Variants in SH3BP4 observed in about 807,000 individuals in gnomAD.
SH3BP4 encodes SH3 domain-binding protein 4.
SH3BP4 carries 33 observed loss-of-function variants against 65.5 expected under a neutral mutation model. That is an observed-to-expected ratio of 0.50 (90% CI 0.38 to 0.67). The LOEUF is 0.67. SH3BP4 is among the 30% of genes least tolerant of loss of function. SH3BP4 has a pLI of 0.00. For synonymous variants in SH3BP4, 552 were observed against 545.5 expected, an observed-to-expected ratio of 1.01 and a Z score of -0.17; for missense variants, 1,134 against 1,261.4, an observed-to-expected ratio of 0.90 and a Z score of 1.53.
intron 3 of SH3BP4, among the ~76,000 whole-genome samples, chr2:235,037,090 G>A (rs1326367273): frequency 3.3e-5 from 5 of 152,182 alleles, no homozygotes; most frequent in Non-Finnish European, 2.9e-5. Flanking sequence ...TGAATGTTTT[G>A]CCTGCAGAAG....
At chr2:235,010,288 CCTGT>C (rs1694437911) in intron 2 of SH3BP4, among the ~76,000 whole-genome samples, 1 of 152,186 alleles carries the variant, frequency 6.6e-6, no homozygotes. Flanking sequence ...TCTCCAGTTG[CCTGT>C]CTGAGTCCTG....
intron 3 of SH3BP4, among the ~76,000 whole-genome samples, chr2:235,038,370 T>C (rs1364807608): frequency 2.3e-5 from 1 of 43,888 alleles, no homozygotes; most frequent in African/African-American, 1.6e-4. Context: ...ATATATAATA[T>C]ATATACATAT....
At chr2:235,010,174 C>T (rs1252334937) in intron 2 of SH3BP4, among the ~76,000 whole-genome samples, 1 of 152,186 alleles carries the variant, frequency 6.6e-6, no homozygotes, top group Non-Finnish European at 1.5e-5. Context: ...GCTCCCACCC[C>T]AGGTTTTCTC....
At chr2:234,980,171 C>A (rs183507088) in intron 1 of SH3BP4, among the ~76,000 whole-genome samples, 1 of 152,176 alleles carries the variant, frequency 6.6e-6, no homozygotes, top group African/African-American at 2.4e-5. Context: ...TAGTCCCCCC[C>A]TTATCTGCAG....
chr2:235,040,496 T>A (rs1468420018), intron 3 of SH3BP4, among the ~76,000 whole-genome samples: 3 of 151,334 alleles, frequency 2.0e-5, no homozygotes, highest in African/African-American at 7.3e-5. Flanking sequence ...TGTCACCGTG[T>A]TTTCTAAGTT....
At position 235,035,355 on chromosome 2, in the gene SH3BP4, T is replaced by C. The variant is rs1384561354; in HGVS notation, c.118+235T>C. 1.3e-5 allele frequency among the ~76,000 whole-genome samples: 2 copies of C among 152,204 alleles called. No individual in the cohort carries two copies. The highest frequency in any genetic ancestry group is 2.9e-5 in the Non-Finnish European group (2 of 68,036). ...TCTTAATACAGGGTATGTTTCTTTTTACTTGATAAAATTCGGTGACAGTGT... is the reference window on the plus strand; with the variant it reads ...TCTTAATACAGGGTATGTTTCTTTTCACTTGATAAAATTCGGTGACAGTGT... On this transcript the variant is annotated intron_variant, in intron 3 of 5. Transcript: ENST00000392011. This position sits in a 1 kb window ranked among gnomAD's most constrained non-coding sequence, Gnocchi z 5.0.
intron 2 of SH3BP4, among the ~76,000 whole-genome samples, chr2:235,022,719 A>G (rs1228609544): frequency 1.3e-5 from 2 of 152,204 alleles, no homozygotes; most frequent in Non-Finnish European, 2.9e-5. Flanking sequence ...GGATTGTCAC[A>G]GTCTTCCAGG....
intron 1 of SH3BP4, among the ~76,000 whole-genome samples, chr2:234,963,524 T>G (rs186903264): frequency 3.0e-4 from 46 of 152,338 alleles, no homozygotes; most frequent in South Asian, 6.2e-4. Context: ...CTTTGCGTTC[T>G]GCGCTTTTGG....
rs1378960061 is a variant in SH3BP4 at position 234,952,371 on chromosome 2, C to A, written c.-207+201C>A. Among the ~76,000 whole-genome samples, 4 of 150,906 alleles carry A rather than the reference C, an allele frequency of 2.7e-5. No individual in the cohort carries two copies. Among genetic ancestry groups the A allele is most frequent in the African/African-American group, 7.3e-5 (3 of 41,284 alleles). On this transcript the variant is annotated intron_variant, in intron 1 of 5. Transcript: ENST00000392011. The surrounding 1 kb of genome is among the most constrained non-coding windows in gnomAD (Gnocchi z 6.5). Reference sequence around the variant, plus strand: ...CTTCGGGGAAGCCTCGCGCGCCCCTCGCCGCTCCCCCGGGCGCTCGGGTCT... The same window carrying A: ...CTTCGGGGAAGCCTCGCGCGCCCCTAGCCGCTCCCCCGGGCGCTCGGGTCT...
chr2:234,962,240 G>A (rs1164678752), intron 1 of SH3BP4, among the ~76,000 whole-genome samples: 2 of 152,098 alleles, frequency 1.3e-5, no homozygotes, highest in Non-Finnish European at 2.9e-5. Flanking sequence ...AGGTTCAAGT[G>A]ATTCTTGTGC....
intron 2 of SH3BP4, among the ~76,000 whole-genome samples, chr2:235,025,561 A>G (rs1694973686): frequency 6.6e-6 from 1 of 152,256 alleles, no homozygotes; most frequent in South Asian, 2.1e-4. Flanking sequence ...AGGCCCCCGC[A>G]GTCTGTGGGA....
intron 4 of SH3BP4, among the ~76,000 whole-genome samples, chr2:235,048,933 C>T (rs1695961542): frequency 6.6e-6 from 1 of 152,192 alleles, no homozygotes; most frequent in Admixed American, 6.5e-5. Context: ...GAGGAAGCTG[C>T]AAGGATCAAG....
intron 1 of SH3BP4, among the ~76,000 whole-genome samples, chr2:234,958,358 C>T (rs558222734): frequency 5.9e-5 from 9 of 152,096 alleles, no homozygotes; most frequent in African/African-American, 1.9e-4. Context: ...CCATGGTGAG[C>T]GGGGCTGGGA....
chr2:235,008,159 C>T (rs538206658), intron 2 of SH3BP4, among the ~76,000 whole-genome samples: 140 of 152,192 alleles, frequency 9.2e-4, no homozygotes, highest in Non-Finnish European at 1.6e-3. Context: ...ATCTGGTGCC[C>T]GGAGAGGTGT....
chr2:235,021,921 A>C (rs540890811), intron 2 of SH3BP4, among the ~76,000 whole-genome samples: 1 of 152,346 alleles, frequency 6.6e-6, no homozygotes, highest in Admixed American at 6.5e-5. Flanking sequence ...GTAATTGCTC[A>C]TCTGTTTGCT....
At chr2:234,970,460 C>T (rs1263494312) in intron 1 of SH3BP4, among the ~76,000 whole-genome samples, 3 of 152,198 alleles carry the variant, frequency 2.0e-5, no homozygotes, top group Admixed American at 1.3e-4. Flanking sequence ...TGAAAATGAG[C>T]AGTTTAGACA....
chr2:235,041,344 T>G lies in SH3BP4; in HGVS notation c.575T>G (p.Leu192Trp). 6.2e-7 allele frequency: 1 copy of G among 1,614,182 alleles called. No individual in the cohort carries two copies. Among genetic ancestry groups the G allele is most frequent in the Non-Finnish European group, 8.5e-7 (1 of 1,180,026 alleles). The change falls in exon 4 of 6, where the codon TTG becomes TGG. Residue 192 changes from leucine to tryptophan, a missense_variant. By Grantham distance (61) the Leu-to-Trp change is moderately conservative (BLOSUM62 -2). Coordinates refer to ENST00000392011, the MANE Select transcript of SH3BP4 (RefSeq NM_014521.3). This position sits in a 1 kb window ranked among gnomAD's most constrained non-coding sequence, Gnocchi z 6.0. ...DELNPKSTVD[L>W]LLFDAGTSSF... ...CTGAATCCCAAAAGTACTGTGGATT[T>G]GCTCCTTTTTGACGCAGGTACATCC...
At chr2:234,955,702 G>T (rs1692570553) in intron 1 of SH3BP4, among the ~76,000 whole-genome samples, 1 of 152,158 alleles carries the variant, frequency 6.6e-6, no homozygotes, top group African/African-American at 2.4e-5. Flanking sequence ...TGGATTTGAG[G>T]AAGTAGAATT....
intron 2 of SH3BP4, among the ~76,000 whole-genome samples, chr2:234,996,412 C>T (rs558532775): frequency 2.0e-5 from 3 of 152,298 alleles, no homozygotes; most frequent in Admixed American, 2.0e-4. Flanking sequence ...CAGTATCTGC[C>T]TGTGCCTTAG....
Sources: allele counts gnomAD v4.1 joint callset (sites outside exome capture counted in the v4.1 genomes callset), GRCh38; gene constraint gnomAD v4.1.1; non-coding constraint Gnocchi (gnomAD v3.1); transcripts MANE v1.5; gene names NCBI Gene and HGNC (gene_info 2026-07-23, HGNC 2026-07-21).